Variants in SPICE1 observed in about 807,000 individuals in gnomAD.
The protein encoded by SPICE1 is spindle and centriole associated protein 1.
SPICE1 carries 75 observed loss-of-function variants against 102.7 expected under a neutral mutation model. The observed-to-expected ratio is 0.73, with a 90% CI of 0.61 to 0.88. The LOEUF (loss-of-function observed/expected upper bound fraction) is 0.88. Among genes scored for constraint, SPICE1 ranks in the 40% least tolerant of loss-of-function variants. The pLI is 0.00. For synonymous variants in SPICE1, 308 were observed against 350.3 expected (o/e 0.88, Z 1.35); for missense variants, 979 against 1,020.1 (o/e 0.96, Z 0.55).
At chr3:113,460,275 G>A (rs1935897986) in intron 12 of SPICE1, 1 of 968,588 alleles carries the variant, frequency 1.0e-6, no homozygotes, top group Non-Finnish European at 1.2e-6. Context: ...TGGTCTAGGT[G>A]TCCAGTTCTG....
chr3:113,474,030 A>T (rs1430898304), intron 7 of SPICE1, among the ~76,000 whole-genome samples: 7 of 152,208 alleles, frequency 4.6e-5, no homozygotes, highest in African/African-American at 9.6e-5. Context: ...GTGTGCTGTA[A>T]TCAGGAAACC....
At chr3:113,449,361 C>G (rs1935590262) in intron 15 of SPICE1, 2 of 151,238 alleles carry the variant, frequency 1.3e-5, no homozygotes, top group South Asian at 4.2e-4. Context: ...AGTACATGTT[C>G]ATATATAGTT....
rs753702546 is a variant in SPICE1 at position 113,493,240 on chromosome 3, T to C, written c.458A>G (p.Gln153Arg). 5 of 1,611,256 alleles carry C rather than the reference T, an allele frequency of 3.1e-6. No homozygotes were observed. In the African/African-American group the frequency reaches 4.0e-5, roughly 13 times the overall value. Reference protein sequence around the residue: ...PIVVNQDPITQSIFNESVIEP... With the variant: ...PIVVNQDPITRSIFNESVIEP... The stretch of plus-strand genomic sequence containing the variant: ...TATGACAGACTCATTAAAGATAGAT[T>C]GGGTGATAGGGTCTTGATTTACCAC... Residue 153 changes from glutamine to arginine, a missense_variant, in exon 6 of 18, where the codon CAA becomes CGA. Gln to Arg is a conservative substitution (Grantham distance 43). Transcript: ENST00000295872.
intron 4 of SPICE1, among the ~76,000 whole-genome samples, chr3:113,494,703 T>C (rs1259717969): frequency 6.6e-6 from 1 of 151,752 alleles, no homozygotes; most frequent in Non-Finnish European, 1.5e-5. Flanking sequence ...CATACACATA[T>C]ACAAAATAAA....
chr3:113,502,867 A>G (rs1455416473), intron 3 of SPICE1, among the ~76,000 whole-genome samples: 1 of 152,154 alleles, frequency 6.6e-6, no homozygotes, highest in Non-Finnish European at 1.5e-5. Flanking sequence ...GGGAAGTAAT[A>G]AATAATGCTG....
rs75438769 is a variant in SPICE1 at position 113,467,171 on chromosome 3, T to C, written c.1155+968A>G. 1.2e-3 allele frequency among the ~76,000 whole-genome samples: 176 copies of C among 152,380 alleles called. 1 individual carries two copies. Among genetic ancestry groups the C allele is most frequent in the African/African-American group, 3.2e-3 (133 of 41,602 alleles). ...TCCTTAAACATTTTTGTCATATTTG[T>C]ATAACAGGCTTAAGTACATAACAGT... On this transcript the variant is annotated intron_variant, in intron 10 of 17. Coordinates refer to ENST00000295872, the MANE Select transcript of SPICE1 (RefSeq NM_144718.4).
At position 113,465,692 on chromosome 3, in the gene SPICE1, A is replaced by G. The variant is rs537065193; in HGVS notation, c.1248T>C (p.Ala416=). ...DHRELIDALT[A]EILRLREENA... is the part of the protein sequence containing the mutation. ...TTTCTTCTCTAAGACGAAGAATTTC[A>G]GCTGTCAGAGCATCAATGAGCTCTC... Residue 416 remains alanine, a synonymous_variant, in exon 11 of 18, where the codon GCT becomes GCC. Coordinates refer to ENST00000295872, the MANE Select transcript of SPICE1 (RefSeq NM_144718.4). The G allele has an allele frequency of 6.2e-7, 1 of 1,613,942 alleles. No homozygotes were observed. The highest frequency in any genetic ancestry group is 1.3e-5 in the African/African-American group (1 of 75,054).
chr3:113,468,041 T>C, intron 10 of SPICE1, 98 bp downstream of exon 10: 1 of 1,469,324 alleles, frequency 6.8e-7, no homozygotes, highest in Non-Finnish European at 9.2e-7. Context: ...CTATTCAAAT[T>C]TGACTGTACT....
At chr3:113,455,216 G>A (rs9866748) in intron 13 of SPICE1, among the ~76,000 whole-genome samples, 81,859 of 151,936 alleles carry the variant, frequency 0.54, 23,281 homozygotes, top group African/African-American at 0.71. Flanking sequence ...TCGAATGAAC[G>A]CTTTAAAATA....
intron 7 of SPICE1, among the ~76,000 whole-genome samples, chr3:113,482,905 T>C (rs144896559): frequency 0.021 from 3,140 of 152,302 alleles, 112 homozygotes; most frequent in African/African-American, 0.071. Flanking sequence ...TTTGGCTCCA[T>C]AAGAAGTTTA....
At chr3:113,461,362 T>C (rs2107456230) in intron 11 of SPICE1, among the ~76,000 whole-genome samples, 1 of 151,936 alleles carries the variant, frequency 6.6e-6, no homozygotes, top group East Asian at 1.9e-4. Flanking sequence ...TAAGGTTTTT[T>C]TTTTTCTATA....
intron 7 of SPICE1, among the ~76,000 whole-genome samples, chr3:113,471,206 CA>C (rs942633737): frequency 5.9e-5 from 9 of 151,836 alleles, no homozygotes; most frequent in Admixed American, 5.9e-4. Flanking sequence ...CCTTATATGG[CA>C]AAAAAGGGGT....
rs369354269 is a variant in SPICE1 at position 113,459,638 on chromosome 3, C to T, written c.1435+979G>A. On this transcript the variant is annotated intron_variant, in intron 12 of 17. Transcript: ENST00000295872. ...GTGGCTCACGCCTGTAATCCCAACA[C>T]TTTGGGAGGCCAAGGCAGGCGGATC... 8.3e-6 allele frequency: 8 copies of T among 961,298 alleles called. No individual in the cohort carries two copies. In the East Asian group the frequency reaches 5.7e-4, roughly 69 times the overall value. The allele number at this position is 961,298 out of a possible 1,614,324, so 59.5% of individuals were successfully genotyped here.
intron 12 of SPICE1, 68 bp downstream of exon 12, chr3:113,460,549 G>A: frequency 1.3e-6 from 2 of 1,523,642 alleles, no homozygotes; most frequent in South Asian, 1.4e-5. Context: ...AGAGATTTAA[G>A]GTTTGGTTTG....
intron 7 of SPICE1, among the ~76,000 whole-genome samples, chr3:113,475,045 A>C (rs1322354959): frequency 6.6e-6 from 1 of 152,196 alleles, no homozygotes; most frequent in Non-Finnish European, 1.5e-5. Context: ...AGCAAGATTA[A>C]TAAAAAAGAA....
intron 7 of SPICE1, among the ~76,000 whole-genome samples, chr3:113,484,085 T>G (rs1559969388): frequency 6.6e-6 from 1 of 152,180 alleles, no homozygotes; most frequent in African/African-American, 2.4e-5. Flanking sequence ...GGGATTCGAC[T>G]TCTTCTGGTT....
At chr3:113,460,322 C>T (rs1165807944) in intron 12 of SPICE1, 1 of 921,128 alleles carries the variant, frequency 1.1e-6, no homozygotes, top group African/African-American at 1.8e-5. Flanking sequence ...AAGTTACCAA[C>T]CCTCTCTCAG....
chr3:113,468,066 C>G, intron 10 of SPICE1, 73 bp downstream of exon 10: 1 of 1,537,486 alleles, frequency 6.5e-7, no homozygotes, highest in Non-Finnish European at 8.8e-7. Context: ...TTGGAGGTTG[C>G]AATAAATGGA....
chr3:113,497,806 G>A (rs939284720), intron 4 of SPICE1, among the ~76,000 whole-genome samples: 5 of 146,684 alleles, frequency 3.4e-5, no homozygotes, highest in South Asian at 2.2e-4. Context: ...GGATTCAAGC[G>A]ATTCTCCTGC....
Sources: gnomAD v4.1 joint callset for allele counts (sites outside exome capture counted in the v4.1 genomes callset) on GRCh38, gnomAD v4.1.1 for gene constraint, MANE v1.5 for transcripts, NCBI Gene and HGNC (gene_info 2026-07-23, HGNC 2026-07-21) for gene names.